Variants in YWHAQ observed in about 807,000 individuals in gnomAD.
YWHAQ encodes tyrosine 3-monooxygenase/tryptophan 5-monooxygenase activation protein theta.
YWHAQ carries 6 observed loss-of-function variants against 28.3 expected under a neutral mutation model. That is an observed-to-expected ratio of 0.21 (90% CI 0.12 to 0.42). The LOEUF is 0.42. Among genes scored for constraint, YWHAQ ranks in the 10% least tolerant of loss-of-function variants. YWHAQ has a pLI of 1.00. For missense variants in YWHAQ, 201 were observed against 305.6 expected (o/e 0.66, Z 2.55); for synonymous variants, 143 against 119.1 (o/e 1.20, Z -1.31).
rs1222954542 is a variant in YWHAQ, at chr2:9,602,938, G to A, written c.295-11423C>T. On this transcript the variant is annotated intron_variant, in intron 2 of 5. Coordinates refer to ENST00000238081, the MANE Select transcript of YWHAQ (RefSeq NM_006826.4). ...CAGTCTTGCTATGTTGCCTAGGCTG[G>A]TCTTGAACTTCTGGCCTCAAGTGAT... is the stretch of plus-strand genomic sequence containing the variant. 2.4e-5 allele frequency among the ~76,000 whole-genome samples: 3 copies of A among 127,408 alleles called. No homozygotes were observed. The South Asian group carries it at 8.4e-4, about 36-fold the overall frequency. 83.6% of individuals were successfully genotyped at this position (127,408 alleles called of 152,430 possible).
chr2:9,602,853 AAAAAAAAAAATATATATATATAT>A (rs1666734552), intron 2 of YWHAQ, among the ~76,000 whole-genome samples: 2 of 15,592 alleles, frequency 1.3e-4, no homozygotes, highest in African/African-American at 5.8e-4. Flanking sequence ...AAAAAAAAAA[AAAAAAAAAAATATATATATATAT>A]ATATATATAT....
intron 2 of YWHAQ, among the ~76,000 whole-genome samples, chr2:9,594,732 C>T (rs1164295360): frequency 3.3e-5 from 5 of 152,182 alleles, no homozygotes; most frequent in Admixed American, 2.6e-4. Flanking sequence ...ACCTTTAAGA[C>T]CTAGTGCTCT....
rs141002260 is a variant in YWHAQ at position 9,596,159 on chromosome 2, C to G, written c.295-4644G>C. On this transcript the variant is annotated intron_variant, in intron 2 of 5. Transcript: ENST00000238081. ...ATAAAGAATAATATAAGAAATGAAA[C>G]TGTTGAGAAATAATATTAATGCAAA... Among the ~76,000 whole-genome samples, 10 of 152,128 alleles carry G rather than the reference C, an allele frequency of 6.6e-5. 1 individual carries two copies. The East Asian group carries it at 1.9e-3, about 29-fold the overall frequency.
At chr2:9,587,671 T>C (rs1470187140) in intron 4 of YWHAQ, among the ~76,000 whole-genome samples, 162 bp from the exon 5 acceptor site, 1 of 152,246 alleles carries the variant, frequency 6.6e-6, no homozygotes, top group South Asian at 2.1e-4. Flanking sequence ...TAAGAACTTA[T>C]GAGTATGACT....
intron 2 of YWHAQ, among the ~76,000 whole-genome samples, chr2:9,605,289 C>G (rs1160362534): frequency 6.6e-6 from 1 of 151,918 alleles, no homozygotes; most frequent in African/African-American, 2.4e-5. Context: ...AGGCGCATAC[C>G]ACCACATCTG....
At chr2:9,629,057 T>G in intron 2 of YWHAQ, 1 of 132,438 alleles carries the variant, frequency 7.6e-6, no homozygotes. Context: ...GAAAGGCGGC[T>G]TGGGGGGTGG....
intron 2 of YWHAQ, among the ~76,000 whole-genome samples, chr2:9,627,381 CTA>C (rs1178570204): frequency 6.6e-6 from 1 of 152,176 alleles, no homozygotes; most frequent in Non-Finnish European, 1.5e-5. Context: ...AAAGAAAACC[CTA>C]TGTTAGCACG....
intron 2 of YWHAQ, 86 bp from the exon 3 acceptor site, chr2:9,591,601 C>A: frequency 6.8e-7 from 1 of 1,466,178 alleles, no homozygotes; most frequent in Non-Finnish European, 9.2e-7. Context: ...GCCTAGCGGG[C>A]ATTTCAATCA....
intron 2 of YWHAQ, among the ~76,000 whole-genome samples, chr2:9,617,109 T>C (rs1050048116): frequency 1.3e-5 from 2 of 150,664 alleles, no homozygotes; most frequent in African/African-American, 2.4e-5. Flanking sequence ...TACAGGTGCC[T>C]GCCACTACGC....
chr2:9,616,107 T>A (rs1239405496), intron 2 of YWHAQ, among the ~76,000 whole-genome samples: 1 of 152,160 alleles, frequency 6.6e-6, no homozygotes, highest in African/African-American at 2.4e-5. Flanking sequence ...AATACAGCGC[T>A]GTCAACTTGG....
intron 2 of YWHAQ, among the ~76,000 whole-genome samples, chr2:9,604,064 A>G (rs1349071852): frequency 1.3e-5 from 2 of 152,200 alleles, no homozygotes; most frequent in Non-Finnish European, 2.9e-5. Context: ...CTGGGCTCCT[A>G]TGTGTTAAAG....
chr2:9,608,676 C>A (rs1465073341), intron 2 of YWHAQ, among the ~76,000 whole-genome samples: 3 of 152,178 alleles, frequency 2.0e-5, no homozygotes, highest in African/African-American at 7.2e-5. Context: ...AGGCTGGGTG[C>A]GATGGCTCAC....
intron 2 of YWHAQ, among the ~76,000 whole-genome samples, chr2:9,592,257 AATT>A (rs990996665): frequency 6.6e-6 from 1 of 152,160 alleles, no homozygotes; most frequent in African/African-American, 2.4e-5. Context: ...TACGAAATCT[AATT>A]ATTTTTTTAA....
At chr2:9,600,257 A>G (rs1364551178) in intron 2 of YWHAQ, among the ~76,000 whole-genome samples, 1 of 152,236 alleles carries the variant, frequency 6.6e-6, no homozygotes, top group African/African-American at 2.4e-5. Context: ...TCTGGTGAAG[A>G]TGCCATTAAC....
At chr2:9,588,068 C>T in intron 4 of YWHAQ, 97 bp downstream of exon 4, 1 of 1,380,324 alleles carries the variant, frequency 7.2e-7, no homozygotes, top group Non-Finnish European at 9.7e-7. Flanking sequence ...TAGTAGAAAT[C>T]ATCCCTGGGT....
chr2:9,602,890 T>TATATAC (rs1459005870), intron 2 of YWHAQ, among the ~76,000 whole-genome samples: 1 of 93,856 alleles, frequency 1.1e-5, no homozygotes. Context: ...TATATATATA[T>TATATAC]ATATATATAT....
intron 2 of YWHAQ, among the ~76,000 whole-genome samples, chr2:9,596,108 G>T: frequency 6.6e-6 from 1 of 152,038 alleles, no homozygotes; most frequent in East Asian, 1.9e-4. Flanking sequence ...AATAGGATGG[G>T]AACAATAGAC....
At chr2:9,627,278 A>G (rs1667265419) in intron 2 of YWHAQ, among the ~76,000 whole-genome samples, 1 of 152,160 alleles carries the variant, frequency 6.6e-6, no homozygotes, top group Non-Finnish European at 1.5e-5. Context: ...AAATTTAGCT[A>G]TCCTTCATGT....
At chr2:9,627,731 A>C (rs2125075575) in intron 2 of YWHAQ, among the ~76,000 whole-genome samples, 1 of 152,228 alleles carries the variant, frequency 6.6e-6, no homozygotes. Flanking sequence ...CCCTTACTCC[A>C]ATCTTCTATA....
Sources: gnomAD v4.1 joint callset for allele counts (sites outside exome capture counted in the v4.1 genomes callset) on GRCh38, gnomAD v4.1.1 for gene constraint, MANE v1.5 for transcripts, NCBI Gene and HGNC (gene_info 2026-07-23, HGNC 2026-07-21) for gene names.